Variants in TTC28 observed in about 807,000 individuals in gnomAD.
TTC28 encodes tetratricopeptide repeat domain 28, also known as tetratricopeptide repeat protein 28.
In TTC28, 61 loss-of-function variants were observed where a neutral mutation model predicts 198.0. The ratio of observed to expected loss-of-function variants is 0.31; its 90% CI spans 0.25 to 0.38. The LOEUF (loss-of-function observed/expected upper bound fraction) is 0.38. Among genes scored for constraint, TTC28 ranks in the 10% least tolerant of loss-of-function variants. The probability of loss-of-function intolerance (pLI) is 1.00; values close to 1 mark genes in which losing one functional copy is unlikely to be tolerated. For synonymous variants in TTC28, 1,171 were observed against 1,297.8 expected (o/e 0.90, Z 2.10); for missense variants, 2,678 against 3,164.0 (o/e 0.85, Z 3.69).
chr22:28,484,805 C>T (rs1202736711), intron 2 of TTC28, among the ~76,000 whole-genome samples: 2 of 152,172 alleles, frequency 1.3e-5, no homozygotes. Context: ...TAACTATTCT[C>T]TGAAATCTAA....
At chr22:27,986,717 CTCTA>C (rs1316381349) in intron 21 of TTC28, among the ~76,000 whole-genome samples, 2 of 152,274 alleles carry the variant, frequency 1.3e-5, no homozygotes, top group East Asian at 3.9e-4. Context: ...CCCTCCGTCT[CTCTA>C]TCTAGGCAGC....
intron 6 of TTC28, among the ~76,000 whole-genome samples, chr22:28,112,998 G>A (rs1337424752): frequency 6.6e-6 from 1 of 152,126 alleles, no homozygotes; most frequent in African/African-American, 2.4e-5. Context: ...TACTTCAAAG[G>A]GCTGTTGTGA....
At chr22:28,268,407 G>C (rs2147319112) in intron 5 of TTC28, among the ~76,000 whole-genome samples, 1 of 152,270 alleles carries the variant, frequency 6.6e-6, no homozygotes, top group South Asian at 2.1e-4. Flanking sequence ...ATGAGGTTAG[G>C]TAAAAATCTT....
chr22:28,430,539 G>A (rs1055391145), intron 2 of TTC28, among the ~76,000 whole-genome samples: 2 of 152,094 alleles, frequency 1.3e-5, no homozygotes, highest in African/African-American at 2.4e-5. Context: ...AATGAGAATG[G>A]CAAACATTCA....
Position 27,982,941 on chromosome 22 carries a change from C to G in TTC28, c.6726G>C (p.Leu2242=). 1 of 1,551,660 alleles carries G rather than the reference C, an allele frequency of 6.4e-7. No individual in the cohort carries two copies. The highest frequency in any genetic ancestry group is 8.7e-7 in the Non-Finnish European group (1 of 1,146,998). The part of the protein sequence containing the change: ...KPKPPARSSS[L]PKVSSGYSSP... The stretch of plus-strand genomic sequence containing the variant: ...TGCTATATCCGGAACTCACCTTGGG[C>G]AGGGAGGAGCTCCTGGCTGGGGGCT... The change falls in exon 23 of 23, where the codon CTG becomes CTC. Residue 2242 remains leucine (L), a synonymous_variant. Transcript: ENST00000397906. The surrounding 1 kb of genome is among the most constrained non-coding windows in gnomAD (Gnocchi z 5.2).
At position 28,594,764 on chromosome 22, in the gene TTC28, T is replaced by C. The variant is rs11912749; in HGVS notation, c.381+34788A>G. Among the ~76,000 whole-genome samples, 197 of 152,254 alleles carry C rather than the reference T, an allele frequency of 1.3e-3. 2 individuals are homozygous for C. Among genetic ancestry groups the C allele is most frequent in the African/African-American group, 4.2e-3 (176 of 41,560 alleles). ...TTGAATACAAGATAATAGAATTCTATAGGAAAAGGAAAGTCAAAATATCTC... is the reference window on the plus strand; with the variant it reads ...TTGAATACAAGATAATAGAATTCTACAGGAAAAGGAAAGTCAAAATATCTC... On this transcript the variant is annotated intron_variant, in intron 2 of 22. Coordinates refer to ENST00000397906, the MANE Select transcript of TTC28 (RefSeq NM_001145418.2).
At chr22:28,648,913 AAAAG>A (rs2051523513) in intron 1 of TTC28, among the ~76,000 whole-genome samples, 1 of 151,448 alleles carries the variant, frequency 6.6e-6, no homozygotes, top group Non-Finnish European at 1.5e-5. Flanking sequence ...TGTCTCAAAA[AAAAG>A]AAAGAAAAGA....
chr22:28,287,608 G>C (rs2044708368), intron 5 of TTC28, among the ~76,000 whole-genome samples: 2 of 152,064 alleles, frequency 1.3e-5, no homozygotes, highest in African/African-American at 2.4e-5. Flanking sequence ...GGTACAGAAG[G>C]GTAAAAGCAG....
At chr22:28,590,413 G>A (rs922620840) in intron 2 of TTC28, among the ~76,000 whole-genome samples, 1 of 152,092 alleles carries the variant, frequency 6.6e-6, no homozygotes, top group Non-Finnish European at 1.5e-5. Context: ...ACAGGCGTGA[G>A]CCACCACGCC....
chr22:28,301,304 T>C lies in TTC28; in HGVS notation c.530-3452A>G, dbSNP rs73882724. ...GGTGAAACAGAGTTTTGGCAGCCTA[T>C]AGCTATTAAGATGCTTTTCTTTCTA... On this transcript the variant is annotated intron_variant, in intron 3 of 22. Transcript: ENST00000397906. Among the ~76,000 whole-genome samples the C allele has an allele frequency of 8.7e-3, 1,322 of 152,374 alleles. 17 individuals carry two copies. The highest frequency in any genetic ancestry group is 0.03 in the African/African-American group (1,248 of 41,598).
chr22:28,045,855 T>G (rs1569105013), intron 12 of TTC28, among the ~76,000 whole-genome samples: 1 of 152,096 alleles, frequency 6.6e-6, no homozygotes, highest in African/African-American at 2.4e-5. Context: ...TCCCAGTTAC[T>G]CTGGAGGCTA....
At chr22:28,356,806 T>C (rs578074099) in intron 2 of TTC28, among the ~76,000 whole-genome samples, 1 of 152,222 alleles carries the variant, frequency 6.6e-6, no homozygotes, top group Admixed American at 6.5e-5. Flanking sequence ...CGGGTTCACG[T>C]CCCAGCACAT....
chr22:27,998,963 G>A lies in TTC28; in HGVS notation c.4696C>T (p.Pro1566Ser), dbSNP rs993582416. The change falls in exon 16 of 23, where the codon CCT (proline) becomes TCT (serine). Residue 1566 changes from proline (P) to serine (S), a missense_variant. This residue lies in a region of TTC28 where 727 missense variants were observed against 861.9 expected (regional missense o/e 0.84). Coordinates refer to ENST00000397906, the MANE Select transcript of TTC28 (RefSeq NM_001145418.2). ...LVLTPSMDGN[P>S]ASSKSSFGHP... is the part of the protein sequence containing the mutation. ...CCGAAGGAGCTCTTGCTGCTGGCAG[G>A]GTTGCCGTCCATGCTGGGCGTGAGG... 1.9e-6 allele frequency: 3 copies of A among 1,550,798 alleles called. No individual in the cohort carries two copies. Among genetic ancestry groups the A allele is most frequent in the Non-Finnish European group, 2.6e-6 (3 of 1,146,986 alleles).
chr22:28,573,271 A>G (rs974393931), intron 2 of TTC28, among the ~76,000 whole-genome samples: 11 of 152,090 alleles, frequency 7.2e-5, no homozygotes, highest in Non-Finnish European at 1.5e-4. Context: ...CCTGGCCAAC[A>G]TGATGAAACC....
intron 6 of TTC28, among the ~76,000 whole-genome samples, chr22:28,157,517 T>C (rs1258560438): frequency 1.3e-5 from 2 of 152,194 alleles, no homozygotes; most frequent in African/African-American, 2.4e-5. Flanking sequence ...TGAATATTTA[T>C]ACCAAAATCC....
rs924321220 is a variant in TTC28 at position 28,133,282 on chromosome 22, C to T, written c.1442-24879G>A. 4.6e-5 allele frequency among the ~76,000 whole-genome samples: 7 copies of T among 152,264 alleles called. No homozygotes were observed. In the East Asian group the frequency reaches 7.7e-4, roughly 17 times the overall value. ...GCCAAATAGGATCAGCTCAGGTCTACACCTCCCAGCGTGAGCAACACAGAA... is the reference window on the plus strand; with the variant it reads ...GCCAAATAGGATCAGCTCAGGTCTATACCTCCCAGCGTGAGCAACACAGAA... On this transcript the variant is annotated intron_variant, in intron 6 of 22. Coordinates refer to ENST00000397906, the MANE Select transcript of TTC28 (RefSeq NM_001145418.2).
chr22:27,982,926 G>A lies in TTC28; in HGVS notation c.6741C>T (p.Ser2247=), dbSNP rs566886681. ...CTGAGGTGGTGGGGCTGCTATATCC[G>A]GAACTCACCTTGGGCAGGGAGGAGC... ...ARSSSLPKVS[S]GYSSPTTSEM... The change falls in exon 23 of 23, where the codon TCC becomes TCT. Residue 2247 remains serine, a synonymous_variant. Coordinates refer to ENST00000397906, the MANE Select transcript of TTC28 (RefSeq NM_001145418.2). This position sits in a 1 kb window ranked among gnomAD's most constrained non-coding sequence, Gnocchi z 5.2. 3.0e-5 allele frequency: 46 copies of A among 1,551,648 alleles called. No homozygotes were observed. The highest frequency in any genetic ancestry group is 1.7e-4 in the Middle Eastern group (1 of 5,994).
chr22:28,100,074 T>A (rs192067051), intron 9 of TTC28, among the ~76,000 whole-genome samples: 1 of 152,134 alleles, frequency 6.6e-6, no homozygotes, highest in African/African-American at 2.4e-5. Flanking sequence ...TCCTTTTTTT[T>A]CCCCCTCATG....
At chr22:28,637,399 A>T (rs889814494) in intron 1 of TTC28, among the ~76,000 whole-genome samples, 2 of 152,216 alleles carry the variant, frequency 1.3e-5, no homozygotes, top group African/African-American at 4.8e-5. Context: ...TGTGATAGCC[A>T]GTTTTCCCAG....
Sources: allele counts gnomAD v4.1 joint callset (sites outside exome capture counted in the v4.1 genomes callset), GRCh38; gene constraint gnomAD v4.1.1; regional missense constraint gnomAD v4.1.1; non-coding constraint Gnocchi (gnomAD v3.1); transcripts MANE v1.5; gene names NCBI Gene and HGNC (gene_info 2026-07-23, HGNC 2026-07-21).